The following KIAA0513 variants were observed in gnomAD, a reference collection of about 807,000 sequenced individuals.
KIAA0513 encodes uncharacterized protein KIAA0513.
A neutral mutation model predicts 56.5 loss-of-function variants in KIAA0513; 39 were observed. The observed-to-expected ratio is 0.69, with a 90% CI of 0.53 to 0.90. The LOEUF (loss-of-function observed/expected upper bound fraction) is 0.90, where lower values mean the gene tolerates loss of function less well. Ranked by LOEUF, KIAA0513 falls within the 40% of genes least tolerant of loss-of-function variation. The pLI is 0.00. For synonymous variants in KIAA0513, 268 were observed against 215.6 expected, an observed-to-expected ratio of 1.24 and a Z score of -2.13; for missense variants, 591 against 535.2, an observed-to-expected ratio of 1.10 and a Z score of -1.03.
At position 85,088,649 on chromosome 16, in the gene KIAA0513, A is replaced by C; in HGVS notation, c.*324A>C. 6.9e-6 allele frequency: 2 copies of C among 290,866 alleles called. No individual in the cohort carries two copies. The highest frequency in any genetic ancestry group is 6.6e-5 in the East Asian group (1 of 15,060). The allele number at this position is 290,866 out of a possible 1,614,324, so 18.0% of individuals were successfully genotyped here. A position where few individuals can be genotyped will look rare whatever the true frequency, so the allele number is the denominator to read the frequency against. ...GGACTCCATGGGCCATCGTGGGCCA[A>C]GGGCTGGCGAGGGTGGGGGCGGGCA... On this transcript the variant is annotated 3_prime_UTR_variant, in exon 13 of 13. Transcript: ENST00000683363.
intron 10 of KIAA0513, among the ~76,000 whole-genome samples, chr16:85,083,998 T>C (rs1286281754): frequency 2.6e-5 from 4 of 151,868 alleles, no homozygotes; most frequent in Non-Finnish European, 5.9e-5. Flanking sequence ...TGTAGATGCA[T>C]GTTCAGCTCG....
rs60578037 is a variant in KIAA0513 at position 85,091,938 on chromosome 16, A to ATT, written c.*3634_*3635dup. 6.2e-5 allele frequency: 8 copies of ATT among 129,366 alleles called. No individual in the cohort carries two copies. The East Asian group carries it at 9.2e-4, about 15-fold the overall frequency. 8.0% of individuals were successfully genotyped at this position (129,366 alleles called of 1,614,324 possible). On this transcript the variant is annotated 3_prime_UTR_variant, in exon 13 of 13. Coordinates refer to ENST00000683363, the MANE Select transcript of KIAA0513 (RefSeq NM_001388359.1). ...TTCCTGGGTCCCACTATCTGTTGGC[A>ATT]TTTTTTTTTTTTTTTTTTTTTTAGA... is the stretch of plus-strand genomic sequence containing the variant.
chr16:85,086,758 G>T (rs573641999), intron 11 of KIAA0513, 34 bp downstream of exon 11: 59 of 1,579,440 alleles, frequency 3.7e-5, no homozygotes, highest in Non-Finnish European at 4.8e-5. Context: ...GGAGGGGAGA[G>T]GGGGGAGGGC....
intron 1 of KIAA0513, 118 bp downstream of exon 1, chr16:85,027,976 G>T (rs558370301): frequency 6.6e-6 from 1 of 152,372 alleles, no homozygotes; most frequent in South Asian, 2.1e-4. Flanking sequence ...GAGCGCCGTG[G>T]GGCGAGGGGC....
chr16:85,078,781 A>T, intron 7 of KIAA0513, 144 bp from the exon 8 acceptor site: 2 of 854,040 alleles, frequency 2.3e-6, no homozygotes, highest in East Asian at 2.6e-5. Flanking sequence ...GGCTATGGCT[A>T]GCAGAAAAGC....
At chr16:85,082,445 C>G in intron 9 of KIAA0513, 119 bp from the exon 10 acceptor site, 2 of 932,768 alleles carry the variant, frequency 2.1e-6, no homozygotes, top group Non-Finnish European at 3.4e-6. Context: ...CTGTCTTTCT[C>G]TGTCCCGCTC....
intron 2 of KIAA0513, 27 bp downstream of exon 2, chr16:85,067,427 C>A: frequency 6.5e-7 from 1 of 1,549,422 alleles, no homozygotes; most frequent in South Asian, 1.2e-5. Flanking sequence ...GACGAGACAG[C>A]CTGGTGTGGC....
intron 6 of KIAA0513, among the ~76,000 whole-genome samples, chr16:85,078,149 G>A (rs2073686324): frequency 6.6e-6 from 1 of 152,104 alleles, no homozygotes; most frequent in South Asian, 2.1e-4. Flanking sequence ...CTCATGGCTG[G>A]GCCACAGCCG....
intron 1 of KIAA0513, among the ~76,000 whole-genome samples, chr16:85,046,260 A>G (rs2073169998): frequency 6.6e-6 from 1 of 152,224 alleles, no homozygotes; most frequent in African/African-American, 2.4e-5. Flanking sequence ...TTCTCTTAGC[A>G]GTTTCTTACC....
At chr16:85,030,397 G>C (rs1041903785) in intron 1 of KIAA0513, among the ~76,000 whole-genome samples, 1 of 152,098 alleles carries the variant, frequency 6.6e-6, no homozygotes, top group Non-Finnish European at 1.5e-5. Context: ...TTGTTTATTC[G>C]AAACCGTTTT....
chr16:85,057,899 C>G (rs977054970), intron 1 of KIAA0513, among the ~76,000 whole-genome samples: 2 of 151,754 alleles, frequency 1.3e-5, no homozygotes, highest in African/African-American at 4.8e-5. Context: ...TTGGTGTGGG[C>G]TGGAGCTGCC....
In KIAA0513 at chr16:85,081,945, G is replaced by A. The variant is rs775029836; in HGVS notation, c.980+553G>A. ...GGCCGATGCCATAGCAAGCAAAGCT[G>A]CCGTCCACCATGTGCAGCGACATGA... On this transcript the variant is annotated intron_variant, in intron 9 of 12. Transcript: ENST00000683363. The surrounding 1 kb of genome is among the most constrained non-coding windows in gnomAD (Gnocchi z 4.4). Among the ~76,000 whole-genome samples the A allele has an allele frequency of 6.6e-6, 1 of 152,222 alleles. No individual in the cohort carries two copies. Among genetic ancestry groups the A allele is most frequent in the Non-Finnish European group, 1.5e-5 (1 of 68,048 alleles).
intron 11 of KIAA0513, 113 bp from the exon 12 acceptor site, chr16:85,086,959 T>A: frequency 1.9e-6 from 2 of 1,047,506 alleles, no homozygotes; most frequent in Non-Finnish European, 2.9e-6. Context: ...CGTTTTAGTT[T>A]CTGCTGACAA....
intron 10 of KIAA0513, among the ~76,000 whole-genome samples, 188 bp from the exon 11 acceptor site, chr16:85,086,456 G>A (rs1424365911): frequency 3.3e-5 from 5 of 152,256 alleles, no homozygotes; most frequent in African/African-American, 7.2e-5. Context: ...CCCCAAGCGC[G>A]GTGTGAGGAT....
In KIAA0513 at chr16:85,088,611, G is replaced by T; in HGVS notation, c.*286G>T. The T allele has an allele frequency of 4.8e-6, 2 of 418,390 alleles. No individual in the cohort carries two copies. Among genetic ancestry groups the T allele is most frequent in the Non-Finnish European group, 4.4e-6 (1 of 229,504 alleles). The allele number at this position is 418,390 out of a possible 1,614,324, so 25.9% of individuals were successfully genotyped here. ...CCAGGCTTGTGAGATGAGACCAAGA[G>T]GGAGGAGGGGAAGGACTCCATGGGC... On this transcript the variant is annotated 3_prime_UTR_variant, in exon 13 of 13. Coordinates refer to ENST00000683363, the MANE Select transcript of KIAA0513 (RefSeq NM_001388359.1).
At chr16:85,030,650 G>A (rs2072951420) in intron 1 of KIAA0513, among the ~76,000 whole-genome samples, 1 of 151,808 alleles carries the variant, frequency 6.6e-6, no homozygotes, top group Admixed American at 6.6e-5. Context: ...AGGAGGCTGA[G>A]GCAGAATCAC....
rs2073859509 is a variant in KIAA0513, at chr16:85,090,730, G to A, written c.*2405G>A. The A allele has an allele frequency of 6.6e-6, 1 of 152,296 alleles. No individual in the cohort carries two copies. Among genetic ancestry groups the A allele is most frequent in the South Asian group, 2.1e-4 (1 of 4,830 alleles). The allele number at this position is 152,296 out of a possible 1,614,324, so 9.4% of individuals were successfully genotyped here. A position where few individuals can be genotyped will look rare whatever the true frequency, so the allele number is the denominator to read the frequency against. On this transcript the variant is annotated 3_prime_UTR_variant, in exon 13 of 13. Transcript: ENST00000683363. ...TGCTCCATCCACACAGGATGCCGGA[G>A]AGACAGCCCCTTGTGCTGTGAGCAG...
chr16:85,088,460 A>G lies in KIAA0513; in HGVS notation c.*135A>G. 2 of 681,630 alleles carry G rather than the reference A, an allele frequency of 2.9e-6. No individual in the cohort carries two copies. Among genetic ancestry groups the G allele is most frequent in the Non-Finnish European group, 5.1e-6 (2 of 391,074 alleles). 42.2% of individuals were successfully genotyped at this position (681,630 alleles called of 1,614,324 possible). A position where few individuals can be genotyped will look rare whatever the true frequency, so the allele number is the denominator to read the frequency against. ...GAGCCACTCCTGCTGCCCTAGAACTAGCGGTTAGAAGAATCCGCTGTTCCT... is the reference window on the plus strand; with the variant it reads ...GAGCCACTCCTGCTGCCCTAGAACTGGCGGTTAGAAGAATCCGCTGTTCCT... On this transcript the variant is annotated 3_prime_UTR_variant, in exon 13 of 13. Coordinates refer to ENST00000683363, the MANE Select transcript of KIAA0513 (RefSeq NM_001388359.1).
At chr16:85,033,716 T>C (rs540925477) in intron 1 of KIAA0513, among the ~76,000 whole-genome samples, 14 of 152,284 alleles carry the variant, frequency 9.2e-5, no homozygotes, top group African/African-American at 3.1e-4. Flanking sequence ...AGCTGACTTA[T>C]CTGGTGACTG....
Sources: gnomAD v4.1 joint callset for allele counts (sites outside exome capture counted in the v4.1 genomes callset) on GRCh38, gnomAD v4.1.1 for gene constraint, Gnocchi (gnomAD v3.1) non-coding constraint, MANE v1.5 for transcripts, NCBI Gene and HGNC (gene_info 2026-07-23, HGNC 2026-07-21) for gene names.